Variants in EPHA6 observed in about 807,000 individuals in gnomAD.
The protein encoded by EPHA6 is EPH receptor A6.
A neutral mutation model predicts 112.0 loss-of-function variants in EPHA6; 50 were observed. The observed-to-expected ratio is 0.45, with a 90% CI of 0.36 to 0.56. The LOEUF (loss-of-function observed/expected upper bound fraction) is 0.56, where lower values mean the gene tolerates loss of function less well. Among genes scored for constraint, EPHA6 ranks in the 20% least tolerant of loss-of-function variants. The pLI, the probability that EPHA6 is intolerant of heterozygous loss-of-function variation, is 0.00. For missense variants in EPHA6, 1,280 were observed against 1,417.4 expected, an observed-to-expected ratio of 0.90 and a Z score of 1.56; for synonymous variants, 529 against 490.7, an observed-to-expected ratio of 1.08 and a Z score of -1.03.
chr3:97,045,884 C>T (rs2045488219), intron 3 of EPHA6, among the ~76,000 whole-genome samples: 1 of 151,524 alleles, frequency 6.6e-6, no homozygotes, highest in Non-Finnish European at 1.5e-5. Flanking sequence ...TTCATTTTCA[C>T]AATATAATAA....
intron 3 of EPHA6, among the ~76,000 whole-genome samples, chr3:97,081,352 C>T (rs992136144): frequency 6.6e-6 from 1 of 151,810 alleles, no homozygotes; most frequent in Non-Finnish European, 1.5e-5. Flanking sequence ...GCCACTCTCT[C>T]AATAGAAAAT....
At chr3:96,916,820 A>G (rs937028709) in intron 2 of EPHA6, among the ~76,000 whole-genome samples, 3 of 152,208 alleles carry the variant, frequency 2.0e-5, no homozygotes, top group Non-Finnish European at 2.9e-5. Context: ...ATCAGGAAAT[A>G]TAAGAATCCC....
intron 3 of EPHA6, among the ~76,000 whole-genome samples, chr3:97,070,968 A>G (rs2108158748): frequency 6.6e-6 from 1 of 152,238 alleles, no homozygotes; most frequent in Middle Eastern, 3.4e-3. Flanking sequence ...CATAGAATTA[A>G]CTTTTGTAGT....
chr3:97,576,329 G>A lies in EPHA6; in HGVS notation c.2387-16283G>A, dbSNP rs1247671669. Among the ~76,000 whole-genome samples, 6 of 151,736 alleles carry A rather than the reference G, an allele frequency of 4.0e-5. No homozygotes were observed. In the South Asian group the frequency reaches 1.0e-3, roughly 26 times the overall value. On this transcript the variant is annotated intron_variant, in intron 11 of 17. Coordinates refer to ENST00000389672, the MANE Select transcript of EPHA6 (RefSeq NM_001080448.3). ...GTCCAGGGAGCAACTACTTCTACTT[G>A]TCATGGGTATATTACCATCGTGAAA...
At chr3:97,374,600 T>C (rs2108994609) in intron 5 of EPHA6, among the ~76,000 whole-genome samples, 1 of 152,186 alleles carries the variant, frequency 6.6e-6, no homozygotes, top group African/African-American at 2.4e-5. Flanking sequence ...GCAGTCAGCG[T>C]CACCCAGGTA....
chr3:97,120,851 G>C (rs1469187448), intron 3 of EPHA6, among the ~76,000 whole-genome samples: 1 of 151,638 alleles, frequency 6.6e-6, no homozygotes, highest in Non-Finnish European at 1.5e-5. Flanking sequence ...CATAAATAAT[G>C]TTATAGTGTA....
intron 3 of EPHA6, among the ~76,000 whole-genome samples, chr3:97,019,125 A>G (rs1288158077): frequency 6.6e-6 from 1 of 152,220 alleles, no homozygotes; most frequent in East Asian, 1.9e-4. Context: ...ATATTCATAT[A>G]TAATCATATC....
At chr3:97,395,831 A>G (rs1476177096) in intron 5 of EPHA6, among the ~76,000 whole-genome samples, 2 of 151,754 alleles carry the variant, frequency 1.3e-5, no homozygotes, top group African/African-American at 4.8e-5. Context: ...AGAGTAAAGA[A>G]GGAAGGCAGG....
chr3:97,086,496 A>G (rs2108216007), intron 3 of EPHA6, among the ~76,000 whole-genome samples: 1 of 152,242 alleles, frequency 6.6e-6, no homozygotes, highest in Non-Finnish European at 1.5e-5. Flanking sequence ...AATAAGTTTT[A>G]CAATATTAAA....
At chr3:97,460,293 T>A (rs11914308) in intron 7 of EPHA6, among the ~76,000 whole-genome samples, 3,916 of 152,312 alleles carry the variant, frequency 0.026, 168 homozygotes, top group African/African-American at 0.084. Flanking sequence ...TGTGAAACTC[T>A]CCAGGTATTG....
At chr3:97,480,372 C>T (rs547056773) in intron 9 of EPHA6, among the ~76,000 whole-genome samples, 1 of 152,092 alleles carries the variant, frequency 6.6e-6, no homozygotes, top group Admixed American at 6.5e-5. Flanking sequence ...AGGCAGAGGA[C>T]CCTGCGGCCT....
chr3:97,207,471 A>C (rs940219097), intron 3 of EPHA6, among the ~76,000 whole-genome samples: 4 of 152,150 alleles, frequency 2.6e-5, no homozygotes, highest in Admixed American at 2.6e-4. Context: ...AGGAACAGAG[A>C]GGAGAGACAA....
chr3:96,959,449 T>G (rs1299414608), intron 2 of EPHA6, among the ~76,000 whole-genome samples: 2 of 152,166 alleles, frequency 1.3e-5, no homozygotes, highest in Non-Finnish European at 2.9e-5. Flanking sequence ...TTTTCTATTC[T>G]GTAGGTTGTT....
intron 5 of EPHA6, among the ~76,000 whole-genome samples, chr3:97,325,726 G>A (rs2082388287): frequency 6.6e-6 from 1 of 151,948 alleles, no homozygotes; most frequent in African/African-American, 2.4e-5. Flanking sequence ...TTTTGTTAAC[G>A]AATACCTCCT....
At chr3:96,910,651 C>G (rs1476769059) in intron 2 of EPHA6, among the ~76,000 whole-genome samples, 7 of 151,876 alleles carry the variant, frequency 4.6e-5, no homozygotes, top group Admixed American at 4.0e-4. Context: ...CTTTTCTTTT[C>G]TTAAATCTTT....
intron 5 of EPHA6, among the ~76,000 whole-genome samples, chr3:97,374,241 C>G (rs1049334018): frequency 1.3e-5 from 2 of 152,050 alleles, no homozygotes; most frequent in Non-Finnish European, 2.9e-5. Context: ...TCCTAACTTC[C>G]CTAATCAGCC....
intron 5 of EPHA6, among the ~76,000 whole-genome samples, chr3:97,360,106 G>A (rs1354844396): frequency 3.3e-5 from 5 of 152,208 alleles, no homozygotes; most frequent in African/African-American, 1.2e-4. Flanking sequence ...GATATTTGGA[G>A]GGCAAGGTCT....
intron 10 of EPHA6, among the ~76,000 whole-genome samples, chr3:97,486,461 T>A (rs1301902789): frequency 6.6e-6 from 1 of 152,204 alleles, no homozygotes; most frequent in Non-Finnish European, 1.5e-5. Flanking sequence ...GGGTAGTTTA[T>A]AATGAACAGA....
intron 5 of EPHA6, among the ~76,000 whole-genome samples, chr3:97,378,461 G>T (rs1187387356): frequency 6.6e-6 from 1 of 152,172 alleles, no homozygotes; most frequent in Admixed American, 6.5e-5. Context: ...ACCTAGTGGA[G>T]CTGTGAGAAG....
Sources: gnomAD v4.1 joint callset for allele counts (sites outside exome capture counted in the v4.1 genomes callset) on GRCh38, gnomAD v4.1.1 for gene constraint, MANE v1.5 for transcripts, NCBI Gene and HGNC (gene_info 2026-07-23, HGNC 2026-07-21) for gene names.